The following SNTB2 variants were observed in gnomAD, a reference collection of about 807,000 sequenced individuals.
SNTB2 encodes the protein beta-2-syntrophin.
A neutral mutation model predicts 46.2 loss-of-function variants in SNTB2; 34 were observed. The observed-to-expected ratio is 0.74, with a 90% CI of 0.56 to 0.98. The LOEUF is 0.98. Ranked by LOEUF, SNTB2 falls within the 50% of genes least tolerant of loss-of-function variation. The pLI is 0.00. For synonymous variants in SNTB2, 290 were observed against 312.6 expected (o/e 0.93, Z 0.76); for missense variants, 603 against 731.4 (o/e 0.82, Z 2.02).
chr16:69,191,455 T>TCC (rs1307002363), intron 1 of SNTB2, among the ~76,000 whole-genome samples: 3 of 1,486 alleles, frequency 2.0e-3, no homozygotes, highest in Non-Finnish European at 5.4e-3. Flanking sequence ...TCCCAGCTAC[T>TCC]CAGAGGCTGA....
Position 69,187,758 on chromosome 16 carries a change from C to CGGGG in SNTB2, c.580+15_580+16insGGGG. 6.5e-6 allele frequency: 1 copy of CGGGG among 153,292 alleles called. No homozygotes were observed. Among genetic ancestry groups the CGGGG allele is most frequent in the Non-Finnish European group, 1.1e-5 (1 of 91,446 alleles). The allele number at this position is 153,292 out of a possible 1,614,324, so 9.5% of individuals were successfully genotyped here. On this transcript the variant is annotated intron_variant, in intron 1 of 6. Coordinates refer to ENST00000336278, the MANE Select transcript of SNTB2 (RefSeq NM_006750.4). ...GGTGCTGCTGGAGGGTGAGCGGGGC[C>CGGGG]GGGCGGGAGGGTGGGCAGGCCGCGG...
At chr16:69,188,603 G>T (rs150389851) in intron 1 of SNTB2, among the ~76,000 whole-genome samples, 1 of 152,364 alleles carries the variant, frequency 6.6e-6, no homozygotes, top group Non-Finnish European at 1.5e-5. Context: ...ACTCATGCAT[G>T]TTGGAGGTGA....
intron 1 of SNTB2, among the ~76,000 whole-genome samples, chr16:69,226,703 A>G (rs1442840749): frequency 6.6e-6 from 1 of 151,792 alleles, no homozygotes; most frequent in African/African-American, 2.4e-5. Flanking sequence ...CTAATTTTTA[A>G]ATTGTTTTGT....
At chr16:69,245,512 A>G in intron 1 of SNTB2, 90 bp from the exon 2 acceptor site, 1 of 1,272,748 alleles carries the variant, frequency 7.9e-7, no homozygotes, top group Non-Finnish European at 1.1e-6. Context: ...CCACTTTGTT[A>G]TAGATATAGC....
intron 3 of SNTB2, among the ~76,000 whole-genome samples, chr16:69,264,644 C>G (rs929175043): frequency 3.9e-5 from 6 of 151,998 alleles, no homozygotes; most frequent in African/African-American, 1.5e-4. Context: ...AAGTGGACAC[C>G]TAAGTTACGC....
chr16:69,239,313 G>A (rs190302186), intron 1 of SNTB2, among the ~76,000 whole-genome samples: 169 of 152,090 alleles, frequency 1.1e-3, no homozygotes, highest in Non-Finnish European at 2.0e-3. Context: ...CCAATATACT[G>A]TATAATTTAC....
chr16:69,306,743 C>T lies in SNTB2; in HGVS notation c.*5819C>T, dbSNP rs551087874. On this transcript the variant is annotated 3_prime_UTR_variant, in exon 7 of 7. Transcript: ENST00000336278. ...CTGAGGTAAGGAGTTTGAGACCAGC[C>T]TGGCCAACATGGTGAAACCCCATCT... 2.0e-5 allele frequency: 3 copies of T among 152,354 alleles called. No individual in the cohort carries two copies. The highest frequency in any genetic ancestry group is 2.0e-4 in the Admixed American group (3 of 15,300). The allele number at this position is 152,354 out of a possible 1,614,324, so 9.4% of individuals were successfully genotyped here.
intron 5 of SNTB2, among the ~76,000 whole-genome samples, chr16:69,295,705 C>T (rs1965216984): frequency 1.3e-5 from 2 of 151,334 alleles, no homozygotes; most frequent in South Asian, 2.1e-4. Flanking sequence ...AGGGCCACTC[C>T]TCTTACTAAA....
At chr16:69,224,465 C>T (rs1964439459) in intron 1 of SNTB2, among the ~76,000 whole-genome samples, 1 of 152,092 alleles carries the variant, frequency 6.6e-6, no homozygotes, top group Non-Finnish European at 1.5e-5. Context: ...CTTGCCTTGG[C>T]CTCCCAAAGT....
At chr16:69,224,657 A>G (rs1224248696) in intron 1 of SNTB2, among the ~76,000 whole-genome samples, 2 of 152,180 alleles carry the variant, frequency 1.3e-5, no homozygotes, top group African/African-American at 4.8e-5. Flanking sequence ...TTTTCTATTT[A>G]TCTCATGCCT....
chr16:69,288,731 C>G (rs983540780), intron 5 of SNTB2, among the ~76,000 whole-genome samples: 9 of 152,110 alleles, frequency 5.9e-5, no homozygotes, highest in South Asian at 2.1e-4. Context: ...AGAAAGATAC[C>G]TGCACCTCCA....
At position 69,292,414 on chromosome 16, in the gene SNTB2, TATATTATATATATATATATATTA is replaced by T. The variant is rs1386967020; in HGVS notation, c.1346-7175_1346-7153del. Among the ~76,000 whole-genome samples the T allele has an allele frequency of 4.4e-3, 77 of 17,500 alleles. 13 individuals are homozygous for T. Among genetic ancestry groups the T allele is most frequent in the African/African-American group, 0.021 (45 of 2,102 alleles). 11.5% of individuals were successfully genotyped at this position (17,500 alleles called of 152,430 possible). On this transcript the variant is annotated intron_variant, in intron 5 of 6. Coordinates refer to ENST00000336278, the MANE Select transcript of SNTB2 (RefSeq NM_006750.4). ...ATTATATATATATATATATTATATA[TATATTATATATATATATATATTA>T]TATATATATAATTTTTTTTTTGAGA...
At chr16:69,196,620 A>G (rs894564511) in intron 1 of SNTB2, among the ~76,000 whole-genome samples, 1 of 151,906 alleles carries the variant, frequency 6.6e-6, no homozygotes, top group Non-Finnish European at 1.5e-5. Flanking sequence ...TGATCTGCCC[A>G]CCTTGGCCTC....
intron 3 of SNTB2, among the ~76,000 whole-genome samples, chr16:69,263,113 T>C (rs1964852645): frequency 6.6e-6 from 1 of 151,756 alleles, no homozygotes; most frequent in South Asian, 2.1e-4. Flanking sequence ...CTCTACTTTT[T>C]TTTTTTTTTT....
At chr16:69,282,751 A>G (rs531259970) in intron 4 of SNTB2, among the ~76,000 whole-genome samples, 4 of 152,362 alleles carry the variant, frequency 2.6e-5, no homozygotes, top group Admixed American at 6.5e-5. Context: ...TATTTAGATC[A>G]TCTTTGCTTT....
At chr16:69,232,787 G>A (rs956274656) in intron 1 of SNTB2, among the ~76,000 whole-genome samples, 2 of 152,030 alleles carry the variant, frequency 1.3e-5, no homozygotes, top group Non-Finnish European at 1.5e-5. Context: ...TGGGATTACA[G>A]GTGTGAGCTA....
chr16:69,253,715 A>G (rs1226431661), intron 2 of SNTB2, among the ~76,000 whole-genome samples: 2 of 152,232 alleles, frequency 1.3e-5, no homozygotes, highest in East Asian at 3.9e-4. Context: ...ATCTATTCTC[A>G]TCTTTTTTCA....
intron 1 of SNTB2, 27 bp downstream of exon 1, chr16:69,187,773 G>GGGGGGGGGGGGGGGGGCC: frequency 1.2e-5 from 4 of 331,854 alleles, no homozygotes; most frequent in Admixed American, 5.3e-5. Flanking sequence ...GGGAGGGTGG[G>GGGGGGGGGGGGGGGGGCC]CAGGCCGCGG....
In SNTB2 at chr16:69,245,815, G is replaced by C; in HGVS notation, c.794G>C (p.Arg265Thr). Residue 265 changes from arginine (R) to threonine (T), a missense_variant and splice_region_variant, in exon 2 of 7, where the codon AGA becomes ACA. By Grantham distance (71) the Arg-to-Thr change is moderately conservative (BLOSUM62 -1). Transcript: ENST00000336278. The part of the protein sequence containing the change: ...RNLSMPDLEN[R>T]LIELHSPDSR... The stretch of plus-strand genomic sequence containing the variant: ...CTAAGCATGCCGGATCTGGAAAACA[G>C]GTGAGGTGTACCTAACAAGAACATC... 1.2e-6 allele frequency: 2 copies of C among 1,613,756 alleles called. No homozygotes were observed. Among genetic ancestry groups the C allele is most frequent in the Non-Finnish European group, 1.7e-6 (2 of 1,179,816 alleles).
Sources: gnomAD v4.1 joint callset for allele counts (sites outside exome capture counted in the v4.1 genomes callset) on GRCh38, gnomAD v4.1.1 for gene constraint, MANE v1.5 for transcripts, NCBI Gene and HGNC (gene_info 2026-07-23, HGNC 2026-07-21) for gene names.